ALDH1A2: variants seen among roughly 807,000 people sequenced by gnomAD.
ALDH1A2 encodes the protein aldehyde dehydrogenase 1 family member A2, also known as retinal dehydrogenase 2.
Under a neutral mutation model 60.3 loss-of-function variants are expected in ALDH1A2, and 27 were observed. The observed-to-expected ratio is 0.45, with a 90% CI of 0.33 to 0.62. The LOEUF (loss-of-function observed/expected upper bound fraction) is 0.62, where lower values mean the gene tolerates loss of function less well. Among genes scored for constraint, ALDH1A2 ranks in the 20% least tolerant of loss-of-function variants. The probability of loss-of-function intolerance (pLI) is 0.02; values close to 1 mark genes in which losing one functional copy is unlikely to be tolerated. For synonymous variants in ALDH1A2, 289 were observed against 232.4 expected (o/e 1.24, Z -2.21); for missense variants, 581 against 643.8 (o/e 0.90, Z 1.06).
At chr15:58,065,322 G>T (rs1353713975) in intron 1 of ALDH1A2, 2 of 610,136 alleles carry the variant, frequency 3.3e-6, no homozygotes, top group Non-Finnish European at 5.9e-6. Context: ...TTCGGGTTGG[G>T]TTAAGTCCCC....
At chr15:58,006,409 C>T (rs1375214027) in intron 4 of ALDH1A2, among the ~76,000 whole-genome samples, 4 of 151,970 alleles carry the variant, frequency 2.6e-5, no homozygotes, top group South Asian at 2.1e-4. Flanking sequence ...TTTATCCACT[C>T]GTTGGCTGAC....
At chr15:58,039,919 G>T (rs1206478556) in intron 1 of ALDH1A2, among the ~76,000 whole-genome samples, 1 of 151,766 alleles carries the variant, frequency 6.6e-6, no homozygotes, top group Admixed American at 6.6e-5. Context: ...TAGGCACTGT[G>T]CTAGGCATTG....
intron 4 of ALDH1A2, among the ~76,000 whole-genome samples, chr15:57,996,218 C>G (rs563283697): frequency 9.2e-5 from 14 of 151,954 alleles, no homozygotes; most frequent in South Asian, 2.1e-4. Flanking sequence ...CTCAACACAC[C>G]TAAATCACAT....
chr15:57,979,359 G>A (rs986126064), intron 7 of ALDH1A2, among the ~76,000 whole-genome samples: 2 of 152,198 alleles, frequency 1.3e-5, no homozygotes, highest in African/African-American at 2.4e-5. Flanking sequence ...CTGATCGGCT[G>A]ACAAAAGTGG....
At chr15:58,064,038 A>T (rs2140594517) in intron 1 of ALDH1A2, among the ~76,000 whole-genome samples, 1 of 152,292 alleles carries the variant, frequency 6.6e-6, no homozygotes, top group East Asian at 1.9e-4. Flanking sequence ...TGTTAGAAAA[A>T]TCCCATCAAA....
chr15:57,991,579 G>C (rs1170686753), intron 7 of ALDH1A2: 1 of 152,158 alleles, frequency 6.6e-6, no homozygotes, highest in Non-Finnish European at 1.5e-5. Context: ...AATGTGGCTA[G>C]TCTGAAGAGA....
chr15:57,960,736 T>C, intron 12 of ALDH1A2, 34 bp downstream of exon 12: 1 of 1,569,236 alleles, frequency 6.4e-7, no homozygotes, highest in Non-Finnish European at 8.8e-7. Context: ...TTGCAATCTA[T>C]TTCTCTGCAG....
At chr15:58,009,771 C>A (rs1276293340) in intron 4 of ALDH1A2, among the ~76,000 whole-genome samples, 2 of 152,034 alleles carry the variant, frequency 1.3e-5, no homozygotes, top group Non-Finnish European at 2.9e-5. Flanking sequence ...CTTATTTACT[C>A]TGTGAATTAG....
Position 57,955,102 on chromosome 15 carries a change from G to A in ALDH1A2, c.*95C>T, listed in dbSNP as rs549890208. 61 of 1,294,878 alleles carry A rather than the reference G, an allele frequency of 4.7e-5. 1 individual carries two copies. The East Asian group carries it at 7.4e-4, about 16-fold the overall frequency. The allele number at this position is 1,294,878 out of a possible 1,614,324, so 80.2% of individuals were successfully genotyped here. A position where few individuals can be genotyped will look rare whatever the true frequency, so the allele number is the denominator to read the frequency against. ...TCTTTTCAATCTTTAAGTAAGGACCGTGGCTCAACTTTGTATTCCTGAGAG... is the reference window on the plus strand; with the variant it reads ...TCTTTTCAATCTTTAAGTAAGGACCATGGCTCAACTTTGTATTCCTGAGAG... On this transcript the variant is annotated 3_prime_UTR_variant, in exon 13 of 13. Coordinates refer to ENST00000249750, the MANE Select transcript of ALDH1A2 (RefSeq NM_003888.4).
chr15:58,039,537 A>C (rs1366828979), intron 1 of ALDH1A2, among the ~76,000 whole-genome samples: 3 of 151,834 alleles, frequency 2.0e-5, no homozygotes, highest in Non-Finnish European at 2.9e-5. Flanking sequence ...TGAGACCATA[A>C]ATCAGCTTGG....
intron 4 of ALDH1A2, among the ~76,000 whole-genome samples, chr15:58,008,281 A>G (rs1305142364): frequency 1.3e-5 from 2 of 152,090 alleles, no homozygotes; most frequent in Non-Finnish European, 2.9e-5. Context: ...AAGAGAATTC[A>G]TCGTTTTTTT....
At chr15:58,041,487 C>G (rs1292175430) in intron 1 of ALDH1A2, among the ~76,000 whole-genome samples, 2 of 151,916 alleles carry the variant, frequency 1.3e-5, no homozygotes, top group East Asian at 1.9e-4. Flanking sequence ...AAACTTATTT[C>G]TCATAGTCCT....
At chr15:57,962,704 C>CA (rs545423690) in intron 9 of ALDH1A2, among the ~76,000 whole-genome samples, 4,990 of 148,888 alleles carry the variant, frequency 0.034, 217 homozygotes, top group African/African-American at 0.098. Flanking sequence ...CTTCCTAGTC[C>CA]AAAAAAAAAC....
At chr15:57,969,031 A>G (rs1185260741) in intron 7 of ALDH1A2, among the ~76,000 whole-genome samples, 1 of 152,204 alleles carries the variant, frequency 6.6e-6, no homozygotes, top group Non-Finnish European at 1.5e-5. Context: ...GATGAATGAT[A>G]CCTTTCCCCT....
At chr15:58,054,489 C>T (rs945608020) in intron 1 of ALDH1A2, among the ~76,000 whole-genome samples, 11 of 152,084 alleles carry the variant, frequency 7.2e-5, no homozygotes, top group African/African-American at 2.7e-4. Flanking sequence ...TGCCTCCCCA[C>T]TGAGATTACA....
chr15:57,995,230 A>AAAAAAAAAAAAAG, intron 4 of ALDH1A2, 91 bp from the exon 5 acceptor site: 1 of 755,748 alleles, frequency 1.3e-6, no homozygotes, highest in South Asian at 1.5e-5. Context: ...AAAAAAAAAA[A>AAAAAAAAAAAAAG]AAAAAACAAA....
chr15:58,050,469 T>G (rs1896746141), intron 1 of ALDH1A2, among the ~76,000 whole-genome samples: 1 of 152,184 alleles, frequency 6.6e-6, no homozygotes, highest in Non-Finnish European at 1.5e-5. Context: ...ACTAAAAAAC[T>G]AATTCATTAT....
At chr15:58,030,877 A>G (rs145251037) in intron 1 of ALDH1A2, among the ~76,000 whole-genome samples, 99 of 152,308 alleles carry the variant, frequency 6.5e-4, no homozygotes, top group African/African-American at 2.2e-3. Context: ...CAACAAAATA[A>G]AAGAGGAGAC....
intron 1 of ALDH1A2, among the ~76,000 whole-genome samples, chr15:58,058,477 A>C (rs913733362): frequency 6.6e-5 from 10 of 151,916 alleles, no homozygotes; most frequent in Admixed American, 4.6e-4. Context: ...TCAAAAAAAA[A>C]AAAAAAAAAC....
Sources: allele counts gnomAD v4.1 joint callset (sites outside exome capture counted in the v4.1 genomes callset), GRCh38; gene constraint gnomAD v4.1.1; transcripts MANE v1.5; gene names NCBI Gene and HGNC (gene_info 2026-07-23, HGNC 2026-07-21).